HNRNPLL: variants seen among roughly 807,000 people sequenced by gnomAD.
HNRNPLL encodes heterogeneous nuclear ribonucleoprotein L like, also known as heterogeneous nuclear ribonucleoprotein L-like.
In HNRNPLL, 25 loss-of-function variants were observed where a neutral mutation model predicts 67.1. The observed-to-expected ratio is 0.37, with a 90% CI of 0.27 to 0.52. The LOEUF (loss-of-function observed/expected upper bound fraction) is 0.52. Ranked by LOEUF, HNRNPLL falls within the 20% of genes least tolerant of loss-of-function variation. The pLI, the probability that HNRNPLL is intolerant of heterozygous loss-of-function variation, is 0.90. For synonymous variants in HNRNPLL, 267 were observed against 241.7 expected, an observed-to-expected ratio of 1.10 and a Z score of -0.97; for missense variants, 542 against 673.9, an observed-to-expected ratio of 0.80 and a Z score of 2.17.
intron 1 of HNRNPLL, among the ~76,000 whole-genome samples, chr2:38,600,812 G>A (rs181404113): frequency 4.0e-5 from 6 of 151,808 alleles, no homozygotes; most frequent in African/African-American, 1.2e-4. Flanking sequence ...CCTACTCAGT[G>A]CCATTTCCAC....
chr2:38,601,534 G>A (rs1454054948), intron 1 of HNRNPLL: 1 of 152,130 alleles, frequency 6.6e-6, no homozygotes, highest in Non-Finnish European at 1.5e-5. Context: ...CGTTTGCTCC[G>A]CTTTGTTTCC....
chr2:38,590,765 T>C (rs957460747), intron 2 of HNRNPLL, among the ~76,000 whole-genome samples: 1 of 152,132 alleles, frequency 6.6e-6, no homozygotes, highest in Non-Finnish European at 1.5e-5. Flanking sequence ...CCAGCACTTC[T>C]GGAGGCTGAG....
chr2:38,573,208 A>G lies in HNRNPLL; in HGVS notation c.1092+2T>C. 1 of 1,578,580 alleles carries G rather than the reference A, an allele frequency of 6.3e-7. No individual in the cohort carries two copies. The highest frequency in any genetic ancestry group is 8.6e-7 in the Non-Finnish European group (1 of 1,162,380). Reference sequence around the variant, plus strand: ...AAGAAACCAATATAAAGAGAAACTTACCTTCTCAATATTTCCATATAAGCA... The same window carrying G: ...AAGAAACCAATATAAAGAGAAACTTGCCTTCTCAATATTTCCATATAAGCA... On this transcript the variant is annotated splice_donor_variant, in intron 8 of 12. Coordinates refer to ENST00000449105, the MANE Select transcript of HNRNPLL (RefSeq NM_138394.4). LOFTEE classifies it high-confidence loss of function.
chr2:38,589,072 T>G (rs527805837), intron 2 of HNRNPLL, among the ~76,000 whole-genome samples: 96 of 152,294 alleles, frequency 6.3e-4, no homozygotes, highest in African/African-American at 2.2e-3. Flanking sequence ...TCCTAATATC[T>G]CCTTTAATGG....
At chr2:38,581,878 G>C in intron 6 of HNRNPLL, 35 bp downstream of exon 6, 1 of 1,409,204 alleles carries the variant, frequency 7.1e-7, no homozygotes, top group Non-Finnish European at 1.0e-6. Flanking sequence ...TTTGTCAGCA[G>C]ATCAAGTACA....
intron 3 of HNRNPLL, among the ~76,000 whole-genome samples, chr2:38,584,411 AC>A (rs1334852309): frequency 1.3e-5 from 2 of 152,166 alleles, no homozygotes; most frequent in Admixed American, 6.5e-5. Flanking sequence ...CCTACACAAT[AC>A]ACCCACATTA....
chr2:38,573,177 T>C (rs1462097844), intron 8 of HNRNPLL, 33 bp downstream of exon 8: 4 of 1,432,316 alleles, frequency 2.8e-6, no homozygotes, highest in East Asian at 2.3e-5. Flanking sequence ...CTGAATATCC[T>C]AGCAAAAGAA....
In HNRNPLL at chr2:38,597,145, T is replaced by C. The variant is rs144320927; in HGVS notation, c.189+5293A>G. Among the ~76,000 whole-genome samples, 74 of 152,354 alleles carry C rather than the reference T, an allele frequency of 4.9e-4. 4 individuals carry two copies. The East Asian group carries it at 0.014, about 29-fold the overall frequency. ...TCTACTGAAGAGAAGAAAAGCTCAGTACAGTATAAACAAAGGTTCAATAAA... is the reference window on the plus strand; with the variant it reads ...TCTACTGAAGAGAAGAAAAGCTCAGCACAGTATAAACAAAGGTTCAATAAA... On this transcript the variant is annotated intron_variant, in intron 1 of 12. Transcript: ENST00000449105.
At chr2:38,580,920 G>T (rs1666502932) in intron 6 of HNRNPLL, among the ~76,000 whole-genome samples, 1 of 152,124 alleles carries the variant, frequency 6.6e-6, no homozygotes, top group Non-Finnish European at 1.5e-5. Flanking sequence ...TACAAAAAGT[G>T]ACAACTTATA....
At chr2:38,593,009 C>A (rs1667024287) in intron 1 of HNRNPLL, among the ~76,000 whole-genome samples, 1 of 152,104 alleles carries the variant, frequency 6.6e-6, no homozygotes, top group South Asian at 2.1e-4. Flanking sequence ...ATTTATGTCA[C>A]AACTGAAAGA....
chr2:38,600,047 T>C (rs1667361850), intron 1 of HNRNPLL: 2 of 349,772 alleles, frequency 5.7e-6, no homozygotes, highest in Non-Finnish European at 1.2e-5. Flanking sequence ...CCGGGGAACG[T>C]CTATCCTAAT....
intron 7 of HNRNPLL, among the ~76,000 whole-genome samples, chr2:38,575,009 C>A (rs1467045123): frequency 6.6e-6 from 1 of 151,704 alleles, no homozygotes; most frequent in African/African-American, 2.4e-5. Context: ...TATCATCACA[C>A]TAAATTTTCT....
rs70954733 is a variant in HNRNPLL, at chr2:38,588,546, C to CAAAAAAAAAAA, written c.309-2676_309-2666dup. Among the ~76,000 whole-genome samples the CAAAAAAAAAAA allele has an allele frequency of 9.6e-4, 49 of 50,992 alleles. 2 individuals carry two copies. Among genetic ancestry groups the CAAAAAAAAAAA allele is most frequent in the Middle Eastern group, 0.011 (1 of 88 alleles). The allele number at this position is 50,992 out of a possible 152,430, so 33.5% of individuals were successfully genotyped here. A position where few individuals can be genotyped will look rare whatever the true frequency, so the allele number is the denominator to read the frequency against. ...TGGGTGACAGAGTGAAACTCCATCT[C>CAAAAAAAAAAA]AAAAAAAAAAAAAAAAAAAAAGGGT... On this transcript the variant is annotated intron_variant, in intron 2 of 12. Transcript: ENST00000449105.
chr2:38,571,289 GCTCT>G (rs546439150), intron 8 of HNRNPLL, among the ~76,000 whole-genome samples: 3 of 152,002 alleles, frequency 2.0e-5, no homozygotes, highest in Admixed American at 6.6e-5. Context: ...ACGTGAACAT[GCTCT>G]CTCTCTCACA....
At chr2:38,588,148 C>A (rs910516221) in intron 2 of HNRNPLL, among the ~76,000 whole-genome samples, 2 of 152,138 alleles carry the variant, frequency 1.3e-5, no homozygotes, top group Non-Finnish European at 2.9e-5. Flanking sequence ...CTCTCAAATA[C>A]GTCTTTATAG....
intron 7 of HNRNPLL, among the ~76,000 whole-genome samples, chr2:38,574,385 C>T (rs1366913392): frequency 6.6e-6 from 1 of 151,780 alleles, no homozygotes; most frequent in African/African-American, 2.4e-5. Context: ...ATCTTAGATG[C>T]TCCTAATAAT....
At chr2:38,568,694 C>T (rs2148337405) in intron 10 of HNRNPLL, among the ~76,000 whole-genome samples, 1 of 152,222 alleles carries the variant, frequency 6.6e-6, no homozygotes, top group African/African-American at 2.4e-5. Flanking sequence ...TATATATTCT[C>T]AGAGTTGACC....
chr2:38,562,676 C>G lies in HNRNPLL; in HGVS notation c.*1506G>C, dbSNP rs1029367636. 1 of 151,816 alleles carries G rather than the reference C, an allele frequency of 6.6e-6. No individual in the cohort carries two copies. Among genetic ancestry groups the G allele is most frequent in the Non-Finnish European group, 1.5e-5 (1 of 67,966 alleles). 9.4% of individuals were successfully genotyped at this position (151,816 alleles called of 1,614,324 possible). On this transcript the variant is annotated 3_prime_UTR_variant, in exon 13 of 13. Transcript: ENST00000449105. The stretch of plus-strand genomic sequence containing the variant: ...GTTCACACAGTTACCCTTGGCATAA[C>G]TTACTGGGTTCTGTGATAAGGGTCT...
At chr2:38,593,649 GAGGCTGAAGCAGGTGGATCACAAGATC>G (rs2148380850) in intron 1 of HNRNPLL, among the ~76,000 whole-genome samples, 1 of 152,274 alleles carries the variant, frequency 6.6e-6, no homozygotes, top group African/African-American at 2.4e-5. Flanking sequence ...AGCACTTTGG[GAGGCTGAAGCAGGTGGATCACAAGATC>G]AGGAGTTCCA....
Sources: allele counts gnomAD v4.1 joint callset (sites outside exome capture counted in the v4.1 genomes callset), GRCh38; gene constraint gnomAD v4.1.1; transcripts MANE v1.5; gene names NCBI Gene and HGNC (gene_info 2026-07-23, HGNC 2026-07-21).